Variants in TMEM272 observed in about 807,000 individuals in gnomAD.
TMEM272 encodes long intergenic non-protein coding RNA 282.
A neutral mutation model predicts 3.7 loss-of-function variants in TMEM272; 8 were observed. That is an observed-to-expected ratio of 2.17 (90% confidence interval 1.27 to 3.91). TMEM272 has a LOEUF of 3.91. TMEM272 is among the 30% of genes most tolerant of loss of function. TMEM272 has a pLI of 0.00. For synonymous variants in TMEM272, 63 were observed against 39.8 expected (o/e 1.58, Z -2.20); for missense variants, 166 against 91.5 (o/e 1.81, Z -3.32).
chr13:51,852,672 G>A, the TMEM272 span, among the ~76,000 whole-genome samples: 2 of 152,266 alleles, frequency 1.3e-5, no homozygotes, highest in Non-Finnish European at 2.9e-5. Flanking sequence ...GAGGTCAAGA[G>A]ATCGAGACCA....
intron 1 of TMEM272, among the ~76,000 whole-genome samples, chr13:51,843,575 C>A (rs1220456983): frequency 6.6e-6 from 1 of 152,206 alleles, no homozygotes; most frequent in African/African-American, 2.4e-5. Context: ...CCTTCTATAT[C>A]TTCTACTAAG....
chr13:51,878,210 C>G, the TMEM272 span, among the ~76,000 whole-genome samples: 1 of 152,102 alleles, frequency 6.6e-6, no homozygotes, highest in African/African-American at 2.4e-5. Flanking sequence ...GCGGGAGGAT[C>G]ATGAGGTAAG....
At chr13:51,856,346 T>C in the TMEM272 span, among the ~76,000 whole-genome samples, 1 of 152,196 alleles carries the variant, frequency 6.6e-6, no homozygotes, top group East Asian at 1.9e-4. Flanking sequence ...CTCCTGAGCA[T>C]TAAGGGATTA....
the TMEM272 span, chr13:51,865,388 C>T: frequency 2.8e-5 from 45 of 1,592,826 alleles, no homozygotes; most frequent in African/African-American, 2.8e-4. Context: ...CATGGCCACC[C>T]CGCCATTCCG....
the TMEM272 span, among the ~76,000 whole-genome samples, chr13:51,883,620 T>C: frequency 1.3e-5 from 2 of 152,138 alleles, no homozygotes; most frequent in African/African-American, 4.8e-5. Context: ...AAAGAATCAA[T>C]AGAGACAGAG....
the TMEM272 span, among the ~76,000 whole-genome samples, chr13:51,854,972 G>A: frequency 6.6e-6 from 1 of 152,190 alleles, no homozygotes; most frequent in African/African-American, 2.4e-5. Context: ...GGAACAACAT[G>A]AGGAACTGGA....
At chr13:51,859,461 G>A in the TMEM272 span, among the ~76,000 whole-genome samples, 1 of 149,246 alleles carries the variant, frequency 6.7e-6, no homozygotes, top group Non-Finnish European at 1.5e-5. Context: ...CTGCCTGCAT[G>A]ATCACTAAAG....
the TMEM272 span, among the ~76,000 whole-genome samples, chr13:51,880,387 C>T: frequency 6.6e-6 from 1 of 152,054 alleles, no homozygotes; most frequent in African/African-American, 2.4e-5. Flanking sequence ...AGTCTCCACC[C>T]TGAGGCATGG....
At chr13:51,925,648 C>A in the TMEM272 span, among the ~76,000 whole-genome samples, 1 of 152,108 alleles carries the variant, frequency 6.6e-6, no homozygotes, top group African/African-American at 2.4e-5. Context: ...TAACTCATGC[C>A]CCTTCCACAC....
chr13:51,856,624 A>G, the TMEM272 span, among the ~76,000 whole-genome samples: 1 of 152,216 alleles, frequency 6.6e-6, no homozygotes, highest in South Asian at 2.1e-4. Flanking sequence ...TACCGTCATC[A>G]TTTTGCAAAG....
At chr13:51,919,980 GAGGGAGGCTTTCTATCACC>G in the TMEM272 span, among the ~76,000 whole-genome samples, 1 of 151,544 alleles carries the variant, frequency 6.6e-6, no homozygotes, top group Admixed American at 6.5e-5. Flanking sequence ...GGAAAGGAGG[GAGGGAGGCTTTCTATCACC>G]AGGCTCAGGA....
intron 4 of TMEM272, among the ~76,000 whole-genome samples, chr13:51,817,952 C>G (rs1318612763): frequency 1.3e-5 from 2 of 152,202 alleles, no homozygotes; most frequent in Non-Finnish European, 2.9e-5. Context: ...ACACTTTCCC[C>G]CTGGAAATGC....
At chr13:51,830,104 G>A (rs145006397) in intron 2 of TMEM272, among the ~76,000 whole-genome samples, 2 of 152,280 alleles carry the variant, frequency 1.3e-5, no homozygotes, top group African/African-American at 4.8e-5. Context: ...GTTCAGCCAC[G>A]TACAAAAGCA....
At chr13:51,817,409 G>A (rs920345849) in intron 4 of TMEM272, among the ~76,000 whole-genome samples, 1 of 152,156 alleles carries the variant, frequency 6.6e-6, no homozygotes, top group Admixed American at 6.5e-5. Flanking sequence ...GATTGGCTGG[G>A]GTAACCCATC....
At chr13:51,906,573 T>C in the TMEM272 span, among the ~76,000 whole-genome samples, 26 of 152,228 alleles carry the variant, frequency 1.7e-4, no homozygotes, top group Admixed American at 3.9e-4. Flanking sequence ...ACTTTCATTG[T>C]AATAAAGCAT....
At chr13:51,932,884 C>T in the TMEM272 span, 1 of 152,046 alleles carries the variant, frequency 6.6e-6, no homozygotes, top group Non-Finnish European at 1.5e-5. Context: ...AGATAATGAT[C>T]AGCCTAGTCA....
the TMEM272 span, among the ~76,000 whole-genome samples, chr13:51,861,216 G>A: frequency 2.6e-5 from 4 of 152,112 alleles, no homozygotes; most frequent in Admixed American, 6.5e-5. Flanking sequence ...GGGAGTGGAC[G>A]GGAAGAGGGA....
the TMEM272 span, among the ~76,000 whole-genome samples, chr13:51,897,914 G>T: frequency 1.3e-5 from 1 of 79,752 alleles, no homozygotes. Context: ...GTGACAGGGT[G>T]AGACTCCATC....
At chr13:51,868,087 C>A in the TMEM272 span, among the ~76,000 whole-genome samples, 1,003 of 152,302 alleles carry the variant, frequency 6.6e-3, 9 homozygotes, top group African/African-American at 0.023. Context: ...TTGTTCCCTG[C>A]CATCCAACAA....
Sources: gnomAD v4.1 joint callset for allele counts (sites outside exome capture counted in the v4.1 genomes callset) on GRCh38, gnomAD v4.1.1 for gene constraint, MANE v1.5 for transcripts, NCBI Gene and HGNC (gene_info 2026-07-23, HGNC 2026-07-21) for gene names.